PCDH15: variants seen among roughly 807,000 people sequenced by gnomAD.
The protein encoded by PCDH15 is protocadherin-15.
In PCDH15, 129 loss-of-function variants were observed where a neutral mutation model predicts 178.5. The ratio of observed to expected loss-of-function variants is 0.72; its 90% CI spans 0.63 to 0.84. PCDH15 has a LOEUF of 0.84. Ranked by LOEUF, PCDH15 falls within the 40% of genes least tolerant of loss-of-function variation. The pLI, the probability that PCDH15 is intolerant of heterozygous loss-of-function variation, is 0.00. For missense variants in PCDH15, 2,230 were observed against 2,099.9 expected, an observed-to-expected ratio of 1.06 and a Z score of -1.21; for synonymous variants, 800 against 732.0, an observed-to-expected ratio of 1.09 and a Z score of -1.50.
intron 1 of PCDH15, among the ~76,000 whole-genome samples, chr10:54,762,259 C>T (rs1198985160): frequency 1.3e-5 from 2 of 151,942 alleles, no homozygotes; most frequent in African/African-American, 4.8e-5. Context: ...AAAGTATTTA[C>T]ATATAAATAC....
chr10:54,057,213 C>T (rs969090777), intron 18 of PCDH15, among the ~76,000 whole-genome samples: 3 of 152,220 alleles, frequency 2.0e-5, no homozygotes, highest in African/African-American at 7.2e-5. Flanking sequence ...CCTCTTTTCA[C>T]AGCTCCACTA....
chr10:53,884,394 C>T (rs1168815008), intron 26 of PCDH15, among the ~76,000 whole-genome samples: 1 of 152,108 alleles, frequency 6.6e-6, no homozygotes, highest in Admixed American at 6.6e-5. Flanking sequence ...TCCGTGGGTG[C>T]CATTTCTAAA....
chr10:54,091,838 G>A (rs1392110982), intron 15 of PCDH15, among the ~76,000 whole-genome samples: 3 of 151,976 alleles, frequency 2.0e-5, no homozygotes, highest in South Asian at 2.1e-4. Context: ...TGTTCCAAAG[G>A]TTGGTCCTTG....
intron 2 of PCDH15, among the ~76,000 whole-genome samples, chr10:54,930,840 A>C (rs1476918225): frequency 1.3e-5 from 2 of 152,198 alleles, no homozygotes; most frequent in Non-Finnish European, 2.9e-5. Flanking sequence ...AAGAGATCTA[A>C]TAACATGAAA....
rs1465931414 is a variant in PCDH15 at position 53,807,240 on chromosome 10, A to AAATC, written c.4672-114_4672-111dup. Reference sequence around the variant, plus strand: ...TGACATTTAGAAAGCTGTCAAAGGTAAATCACTCAAGAGAGATAGAAGGAA... The same window carrying AAATC: ...TGACATTTAGAAAGCTGTCAAAGGTAAATCAATCACTCAAGAGAGATAGAAGGAA... On this transcript the variant is annotated intron_variant, in intron 37 of 37. Transcript: ENST00000644397. 30 of 882,928 alleles carry AAATC rather than the reference A, an allele frequency of 3.4e-5. 1 individual carries two copies. In the South Asian group the frequency reaches 3.6e-4, roughly 10 times the overall value. The allele number at this position is 882,928 out of a possible 1,614,324, so 54.7% of individuals were successfully genotyped here.
At chr10:54,849,205 C>A (rs1002917334) in intron 3 of PCDH15, among the ~76,000 whole-genome samples, 1 of 152,002 alleles carries the variant, frequency 6.6e-6, no homozygotes, top group African/African-American at 2.4e-5. Flanking sequence ...AAAAAAACTA[C>A]GCTTTCTGAA....
At chr10:54,060,114 T>C (rs4935495) in intron 18 of PCDH15, among the ~76,000 whole-genome samples, 94,045 of 152,114 alleles carry the variant, frequency 0.62, 29,411 homozygotes, top group Middle Eastern at 0.77. Context: ...CAAATGTGAC[T>C]ATATGCATAT....
At chr10:54,284,885 A>G (rs1453824890) in intron 8 of PCDH15, among the ~76,000 whole-genome samples, 1 of 152,250 alleles carries the variant, frequency 6.6e-6, no homozygotes, top group Non-Finnish European at 1.5e-5. Context: ...GAGTCATACA[A>G]GCTTCTTTAT....
At chr10:55,250,598 G>A (rs1841810500) in intron 1 of PCDH15, among the ~76,000 whole-genome samples, 1 of 143,702 alleles carries the variant, frequency 7.0e-6, no homozygotes, top group Admixed American at 7.2e-5. Context: ...GTGCAGTGGT[G>A]TGATCTCGGC....
At chr10:54,239,800 T>TG (rs953217830) in intron 8 of PCDH15, among the ~76,000 whole-genome samples, 2 of 152,108 alleles carry the variant, frequency 1.3e-5, no homozygotes, top group Admixed American at 6.5e-5. Flanking sequence ...ACAATATTTA[T>TG]TTTTCCTTCT....
chr10:53,979,724 T>A (rs139050482), intron 21 of PCDH15, among the ~76,000 whole-genome samples: 26 of 152,270 alleles, frequency 1.7e-4, no homozygotes, highest in African/African-American at 6.3e-4. Context: ...TGATTAAAAC[T>A]GTGAAAAGGA....
intron 1 of PCDH15, among the ~76,000 whole-genome samples, chr10:55,274,373 C>T (rs1842529970): frequency 6.6e-6 from 1 of 152,098 alleles, no homozygotes; most frequent in South Asian, 2.1e-4. Flanking sequence ...CATACTCTCC[C>T]TACACATTTA....
At chr10:55,089,709 A>G (rs1174447209) in intron 2 of PCDH15, among the ~76,000 whole-genome samples, 1 of 152,158 alleles carries the variant, frequency 6.6e-6, no homozygotes, top group Non-Finnish European at 1.5e-5. Context: ...TATTTAGAGA[A>G]CACACATCTT....
At chr10:55,006,788 T>G (rs997218721) in intron 2 of PCDH15, among the ~76,000 whole-genome samples, 1 of 152,216 alleles carries the variant, frequency 6.6e-6, no homozygotes, top group African/African-American at 2.4e-5. Flanking sequence ...ATTTAATGAC[T>G]GCCCTGTTGA....
At chr10:54,655,252 AAGAAAGAGAGAGAGAGAGAGAG>A (rs1288609864) in intron 2 of PCDH15, among the ~76,000 whole-genome samples, 5 of 46,290 alleles carry the variant, frequency 1.1e-4, no homozygotes, top group African/African-American at 1.9e-4. Flanking sequence ...GAAAGAAAGA[AAGAAAGAGAGAGAGAGAGAGAG>A]AGAGAGAGAG....
In PCDH15 at chr10:54,817,340, G is replaced by A. The variant is rs187753207; in HGVS notation, c.-29+80110C>T. Reference sequence around the variant, plus strand: ...TAAATATATGTTATTTTAGAAATGAGGAAATTAAGGTTGAATTATTCTAAG... The same window carrying A: ...TAAATATATGTTATTTTAGAAATGAAGAAATTAAGGTTGAATTATTCTAAG... On this transcript the variant is annotated intron_variant, in intron 3 of 5. Transcript: ENST00000458638. Among the ~76,000 whole-genome samples, 88 of 151,888 alleles carry A rather than the reference G, an allele frequency of 5.8e-4. 4 individuals carry two copies. In the East Asian group the frequency reaches 0.015, roughly 26 times the overall value.
At chr10:55,033,586 G>T (rs1481147416) in intron 2 of PCDH15, among the ~76,000 whole-genome samples, 1 of 152,098 alleles carries the variant, frequency 6.6e-6, no homozygotes, top group Non-Finnish European at 1.5e-5. Flanking sequence ...TAACTTGTTT[G>T]CTTTCACAGG....
chr10:55,386,761 G>A (rs1837669882), intron 2 of PCDH15, among the ~76,000 whole-genome samples: 1 of 151,990 alleles, frequency 6.6e-6, no homozygotes, highest in East Asian at 1.9e-4. Context: ...TCTAAAAAGT[G>A]ATCTTTTATT....
intron 14 of PCDH15, among the ~76,000 whole-genome samples, chr10:54,143,079 T>C (rs899650842): frequency 1.3e-5 from 2 of 152,128 alleles, no homozygotes; most frequent in Non-Finnish European, 2.9e-5. Flanking sequence ...TTTTGGATAT[T>C]AGTTGCCCTG....
Sources: gnomAD v4.1 joint callset for allele counts (sites outside exome capture counted in the v4.1 genomes callset) on GRCh38, gnomAD v4.1.1 for gene constraint, MANE v1.5 for transcripts, NCBI Gene and HGNC (gene_info 2026-07-23, HGNC 2026-07-21) for gene names.